The following MCU variants were observed in gnomAD, a reference collection of about 807,000 sequenced individuals.
The protein encoded by MCU is calcium uniporter protein, mitochondrial.
In MCU, 12 loss-of-function variants were observed where a neutral mutation model predicts 45.2. The observed-to-expected ratio is 0.27, with a 90% CI of 0.17 to 0.43. MCU has a LOEUF of 0.43. Ranked by LOEUF, MCU falls within the 20% of genes least tolerant of loss-of-function variation. The probability of loss-of-function intolerance (pLI) is 1.00; values close to 1 mark genes in which losing one functional copy is unlikely to be tolerated. For missense variants in MCU, 324 were observed against 436.7 expected, an observed-to-expected ratio of 0.74 and a Z score of 2.30; for synonymous variants, 160 against 165.1, an observed-to-expected ratio of 0.97 and a Z score of 0.24.
intron 1 of MCU, among the ~76,000 whole-genome samples, chr10:72,752,390 C>T (rs1472998014): frequency 1.3e-5 from 2 of 152,120 alleles, no homozygotes; most frequent in Non-Finnish European, 2.9e-5. Context: ...GGCACCACGC[C>T]CACCCTCCAA....
intron 1 of MCU, among the ~76,000 whole-genome samples, chr10:72,753,789 G>A (rs1420861421): frequency 1.3e-5 from 2 of 152,008 alleles, no homozygotes; most frequent in Admixed American, 1.3e-4. Context: ...TGATGTGGGA[G>A]GATTACCGGA....
chr10:72,697,948 AT>A (rs35739882), intron 1 of MCU, among the ~76,000 whole-genome samples: 88 of 145,534 alleles, frequency 6.0e-4, no homozygotes, highest in Admixed American at 7.5e-4. Context: ...CATAAAAAGA[AT>A]TTTTTTTTTT....
chr10:72,692,412 G>A, intron 1 of MCU, 111 bp downstream of exon 1: 1 of 953,036 alleles, frequency 1.0e-6, no homozygotes, highest in African/African-American at 1.8e-5. Flanking sequence ...ACTCCCGGCC[G>A]CTCCGGAGGT....
At chr10:72,769,115 G>T (rs1425265793) in intron 1 of MCU, among the ~76,000 whole-genome samples, 1 of 152,050 alleles carries the variant, frequency 6.6e-6, no homozygotes. Context: ...CAAAGCACTG[G>T]CATTACAGGT....
intron 6 of MCU, among the ~76,000 whole-genome samples, chr10:72,880,710 TTTGCTCTA>T (rs1270281791): frequency 2.0e-5 from 3 of 152,168 alleles, no homozygotes; most frequent in African/African-American, 7.2e-5. Flanking sequence ...GGTAAGAGGA[TTTGCTCTA>T]TTAGATATGA....
intron 7 of MCU, 66 bp from the exon 8 acceptor site, chr10:72,885,679 T>C (rs983871768): frequency 2.0e-6 from 2 of 1,001,092 alleles, no homozygotes; most frequent in Non-Finnish European, 3.1e-6. Context: ...TTTCCTTTTC[T>C]TGGTAGACAG....
chr10:72,804,019 TA>T (rs1366226448), intron 1 of MCU, among the ~76,000 whole-genome samples: 6 of 2,620 alleles, frequency 2.3e-3, no homozygotes, highest in African/African-American at 0.02. Flanking sequence ...TGTAAGTAAA[TA>T]TATATATATA....
intron 1 of MCU, among the ~76,000 whole-genome samples, chr10:72,765,104 A>AAG (rs1307665134): frequency 6.6e-6 from 1 of 151,428 alleles, no homozygotes; most frequent in Non-Finnish European, 1.5e-5. Flanking sequence ...AAAAAAAAAA[A>AAG]AGAGAGAGTT....
At chr10:72,875,112 A>G (rs1845599050) in intron 6 of MCU, among the ~76,000 whole-genome samples, 1 of 152,192 alleles carries the variant, frequency 6.6e-6, no homozygotes, top group Non-Finnish European at 1.5e-5. Flanking sequence ...CCCAAACATT[A>G]TATCTAGTAC....
At chr10:72,871,341 A>G (rs1476540460) in intron 5 of MCU, 36 bp from the exon 6 acceptor site, 1 of 1,599,604 alleles carries the variant, frequency 6.3e-7, no homozygotes, top group South Asian at 1.1e-5. Context: ...GATTGGTTTT[A>G]TGTCAAAATG....
At chr10:72,770,073 T>C (rs1385291655) in intron 1 of MCU, among the ~76,000 whole-genome samples, 1 of 152,208 alleles carries the variant, frequency 6.6e-6, no homozygotes, top group Non-Finnish European at 1.5e-5. Flanking sequence ...TTATTGGTAG[T>C]GTGTTGTTTA....
At chr10:72,758,687 C>T (rs1428109772) in intron 1 of MCU, among the ~76,000 whole-genome samples, 1 of 152,034 alleles carries the variant, frequency 6.6e-6, no homozygotes, top group African/African-American at 2.4e-5. Flanking sequence ...GCTGAATGGG[C>T]CAATTTTTTT....
chr10:72,692,800 G>T, intron 1 of MCU: 1 of 1,413,298 alleles, frequency 7.1e-7, no homozygotes, highest in African/African-American at 1.4e-5. Context: ...CAGGACCCCG[G>T]CGGGGCCGCC....
intron 1 of MCU, chr10:72,692,633 G>T: frequency 1.8e-6 from 2 of 1,134,814 alleles, no homozygotes; most frequent in East Asian, 1.1e-4. Context: ...GTTCTTAACA[G>T]CCCTGCCCCA....
intron 1 of MCU, among the ~76,000 whole-genome samples, chr10:72,750,310 C>T (rs190188444): frequency 2.6e-5 from 4 of 152,264 alleles, no homozygotes; most frequent in South Asian, 4.1e-4. Context: ...GTTTTACGTG[C>T]ATGAATACCA....
At chr10:72,706,032 G>A (rs1005135261) in intron 1 of MCU, among the ~76,000 whole-genome samples, 34 of 152,062 alleles carry the variant, frequency 2.2e-4, no homozygotes, top group African/African-American at 8.2e-4. Context: ...TGTATTCTCT[G>A]AAGCTTTGTG....
chr10:72,881,148 G>A (rs1452141957), intron 6 of MCU, among the ~76,000 whole-genome samples: 1 of 151,988 alleles, frequency 6.6e-6, no homozygotes, highest in Non-Finnish European at 1.5e-5. Flanking sequence ...AAAAAAGATG[G>A]CCCTACAAAG....
At chr10:72,872,114 T>C (rs1371808967) in intron 6 of MCU, among the ~76,000 whole-genome samples, 1 of 152,218 alleles carries the variant, frequency 6.6e-6, no homozygotes, top group Non-Finnish European at 1.5e-5. Flanking sequence ...ACCTAATTAC[T>C]TAATACTCAA....
intron 1 of MCU, chr10:72,760,716 C>CTTTT (rs965659813): frequency 1.6e-4 from 21 of 135,000 alleles, no homozygotes; most frequent in South Asian, 2.3e-4. Context: ...TTTTTTCTTT[C>CTTTT]TTTTTTTTTT....
Sources: allele counts gnomAD v4.1 joint callset (sites outside exome capture counted in the v4.1 genomes callset), GRCh38; gene constraint gnomAD v4.1.1; transcripts MANE v1.5; gene names NCBI Gene and HGNC (gene_info 2026-07-23, HGNC 2026-07-21).